PLPP1: variants seen among roughly 807,000 people sequenced by gnomAD.
PLPP1 encodes the protein phospholipid phosphatase 1.
Under a neutral mutation model 31.2 loss-of-function variants are expected in PLPP1, and 24 were observed. The observed-to-expected ratio is 0.77, with a 90% confidence interval of 0.56 to 1.08. PLPP1 has a LOEUF of 1.08. PLPP1 is among the 50% of genes least tolerant of loss of function. The pLI, the probability that PLPP1 is intolerant of heterozygous loss-of-function variation, is 0.00. For missense variants in PLPP1, 319 were observed against 342.7 expected, an observed-to-expected ratio of 0.93 and a Z score of 0.55; for synonymous variants, 146 against 126.3, an observed-to-expected ratio of 1.16 and a Z score of -1.05.
At chr5:55,485,338 T>C (rs576096273) in intron 1 of PLPP1, among the ~76,000 whole-genome samples, 4 of 152,294 alleles carry the variant, frequency 2.6e-5, no homozygotes, top group African/African-American at 9.6e-5. Flanking sequence ...TACATGGGTA[T>C]GTGTAGATCC....
At chr5:55,479,263 G>A (rs1446294792) in intron 1 of PLPP1, among the ~76,000 whole-genome samples, 2 of 152,168 alleles carry the variant, frequency 1.3e-5, no homozygotes, top group Non-Finnish European at 2.9e-5. Context: ...CTGACCTCAG[G>A]TGATCCACCT....
intron 1 of PLPP1, among the ~76,000 whole-genome samples, chr5:55,523,702 C>T (rs1037563783): frequency 1.3e-5 from 2 of 152,164 alleles, no homozygotes; most frequent in African/African-American, 4.8e-5. Context: ...TACCATATTC[C>T]AGCCACACTG....
At chr5:55,475,528 ACT>A (rs946373384) in intron 1 of PLPP1, 78 bp from the exon 2 acceptor site, 14 of 1,308,224 alleles carry the variant, frequency 1.1e-5, no homozygotes, top group East Asian at 7.7e-5. Flanking sequence ...TATCCCACAG[ACT>A]CTGTCTAAAA....
intron 1 of PLPP1, among the ~76,000 whole-genome samples, chr5:55,502,256 A>G (rs1050115045): frequency 6.6e-6 from 1 of 152,202 alleles, no homozygotes; most frequent in African/African-American, 2.4e-5. Context: ...AGGGAGGCCG[A>G]AGCAGGCAGA....
intron 1 of PLPP1, among the ~76,000 whole-genome samples, chr5:55,530,946 C>CGGCCGAGGTGA (rs1554042993): frequency 6.6e-6 from 1 of 152,150 alleles, no homozygotes; most frequent in African/African-American, 2.4e-5. Flanking sequence ...ACAGCGGCAG[C>CGGCCGAGGTGA]GGCCGAGGTG....
intron 1 of PLPP1, among the ~76,000 whole-genome samples, chr5:55,516,136 T>C (rs1753551131): frequency 6.6e-6 from 1 of 152,132 alleles, no homozygotes; most frequent in African/African-American, 2.4e-5. Flanking sequence ...TCTCCTACCC[T>C]ACACCTTCAA....
intron 4 of PLPP1, among the ~76,000 whole-genome samples, chr5:55,439,472 G>T (rs1229816401): frequency 6.6e-6 from 1 of 152,130 alleles, no homozygotes; most frequent in African/African-American, 2.4e-5. Flanking sequence ...TGACTCTGAG[G>T]GCTGCCCAAT....
intron 1 of PLPP1, among the ~76,000 whole-genome samples, chr5:55,476,885 A>C (rs1475964292): frequency 6.6e-6 from 1 of 152,196 alleles, no homozygotes; most frequent in Non-Finnish European, 1.5e-5. Flanking sequence ...TAGCTCTTTT[A>C]TCTTCCCATT....
In PLPP1 at chr5:55,450,238, C is replaced by T. The variant is rs571053063; in HGVS notation, c.492-8330G>A. On this transcript the variant is annotated intron_variant, in intron 3 of 5. Transcript: ENST00000307259. ...TCAAATACCACTCCACAGCCACTAA[C>T]ATCTGTGAATCACATGCCGAGTGAC... Among the ~76,000 whole-genome samples, 271 of 152,292 alleles carry T rather than the reference C, an allele frequency of 1.8e-3. 1 individual carries two copies. Among genetic ancestry groups the T allele is most frequent in the Admixed American group, 2.7e-3 (42 of 15,302 alleles).
At position 55,467,922 on chromosome 5, in the gene PLPP1, A is replaced by G. The variant is rs376415012; in HGVS notation, c.438T>C (p.Gly146=). Residue 146 remains glycine, a synonymous_variant, in exon 3 of 6, where the codon GGT becomes GGC. Coordinates refer to ENST00000307259, the MANE Select transcript of PLPP1 (RefSeq NM_003711.4). The part of the protein sequence containing the change: ...PDWSKINCSD[G]YIEYYICRGN... ...CTCGACATATGTAGTATTCAATGTAACCATCGCTGCAGTTGATTTTTGACC... is the reference window on the plus strand; with the variant it reads ...CTCGACATATGTAGTATTCAATGTAGCCATCGCTGCAGTTGATTTTTGACC... 23 of 1,614,180 alleles carry G rather than the reference A, an allele frequency of 1.4e-5. No individual in the cohort carries two copies. In the African/African-American group the frequency reaches 3.1e-4, roughly 22 times the overall value.
chr5:55,491,787 G>T lies in PLPP1; in HGVS notation c.59-16337C>A, dbSNP rs1047713320. ...GCAGGAGAATCGCTTGAACCCAGGG[G>T]ACAGAGGTTGCAGTGAGTCAAGATT... On this transcript the variant is annotated intron_variant, in intron 1 of 5. Transcript: ENST00000307259. Among the ~76,000 whole-genome samples, 5 of 145,666 alleles carry T rather than the reference G, an allele frequency of 3.4e-5. No homozygotes were observed. The Admixed American group carries it at 3.6e-4, about 10-fold the overall frequency.
intron 3 of PLPP1, among the ~76,000 whole-genome samples, chr5:55,442,623 G>C (rs1579925800): frequency 6.7e-6 from 1 of 148,618 alleles, no homozygotes; most frequent in African/African-American, 2.5e-5. Flanking sequence ...CTGCACTCCA[G>C]CCTGGGTGAC....
At chr5:55,499,598 C>G (rs1180624620) in intron 1 of PLPP1, among the ~76,000 whole-genome samples, 1 of 152,050 alleles carries the variant, frequency 6.6e-6, no homozygotes, top group African/African-American at 2.4e-5. Flanking sequence ...TGCTTTATAA[C>G]TAAAAGATTC....
intron 1 of PLPP1, among the ~76,000 whole-genome samples, chr5:55,505,375 C>CT (rs1753251381): frequency 6.6e-6 from 1 of 151,570 alleles, no homozygotes. Flanking sequence ...AGGAGGATCA[C>CT]TTGAGGCCAG....
At chr5:55,464,462 C>T (rs1489896133) in intron 3 of PLPP1, among the ~76,000 whole-genome samples, 5 of 152,104 alleles carry the variant, frequency 3.3e-5, no homozygotes, top group Non-Finnish European at 7.4e-5. Context: ...TCTCGAAATC[C>T]TGACCTCAAG....
At chr5:55,514,224 C>T (rs1426136590) in intron 1 of PLPP1, among the ~76,000 whole-genome samples, 1 of 151,618 alleles carries the variant, frequency 6.6e-6, no homozygotes, top group Non-Finnish European at 1.5e-5. Context: ...ACAAAAGAAA[C>T]AAGTATAAAA....
At chr5:55,490,560 A>G (rs896761184) in intron 1 of PLPP1, among the ~76,000 whole-genome samples, 1 of 151,920 alleles carries the variant, frequency 6.6e-6, no homozygotes, top group Admixed American at 6.6e-5. Context: ...TTCCTTTTTC[A>G]TGGCCTCAAT....
chr5:55,452,315 A>G (rs1156795410), intron 3 of PLPP1, among the ~76,000 whole-genome samples: 3 of 152,050 alleles, frequency 2.0e-5, no homozygotes, highest in Admixed American at 2.0e-4. Flanking sequence ...GGTTGTTTAA[A>G]AGAGTCTGGG....
chr5:55,443,192 A>ATATATATATATATATATATAT (rs1554037280), intron 3 of PLPP1, among the ~76,000 whole-genome samples: 1 of 25,418 alleles, frequency 3.9e-5, no homozygotes, highest in Non-Finnish European at 8.6e-5. Context: ...AAAAAAAAAA[A>ATATATATATATATATATATAT]ATATATATAT....
Sources: gnomAD v4.1 joint callset for allele counts (sites outside exome capture counted in the v4.1 genomes callset) on GRCh38, gnomAD v4.1.1 for gene constraint, MANE v1.5 for transcripts, NCBI Gene and HGNC (gene_info 2026-07-23, HGNC 2026-07-21) for gene names.